Variants in ZNF85 observed in about 807,000 individuals in gnomAD.
ZNF85 encodes the protein zinc finger protein 85 (HPF4, HTF1).
In ZNF85, 50 loss-of-function variants were observed where a neutral mutation model predicts 53.9. The ratio of observed to expected loss-of-function variants is 0.93; its 90% confidence interval spans 0.74 to 1.17. ZNF85 has a LOEUF of 1.17. ZNF85 is among the 50% of genes most tolerant of loss of function. The probability of loss-of-function intolerance (pLI) is 0.00; values close to 1 mark genes in which losing one functional copy is unlikely to be tolerated. For synonymous variants in ZNF85, 225 were observed against 226.1 expected, an observed-to-expected ratio of 1.00 and a Z score of 0.04; for missense variants, 747 against 688.5, an observed-to-expected ratio of 1.08 and a Z score of -0.95.
chr19:20,939,989 GC>G (rs1973255997), intron 3 of ZNF85, among the ~76,000 whole-genome samples: 2 of 152,012 alleles, frequency 1.3e-5, no homozygotes, highest in Admixed American at 6.6e-5. Flanking sequence ...GAGCCACTGT[GC>G]CTGACCTCTT....
chr19:20,934,022 A>T lies in ZNF85; in HGVS notation c.4-2A>T. On this transcript the variant is annotated splice_acceptor_variant, in intron 1 of 3. Transcript: ENST00000328178. LOFTEE classifies it high-confidence loss of function. ...GTATGTGTATGTGTGTGTATCTTTC[A>T]GGGACCATTGACATTTAGGGATGTG... 1 of 1,604,370 alleles carries T rather than the reference A, an allele frequency of 6.2e-7. No homozygotes were observed. The highest frequency in any genetic ancestry group is 1.1e-5 in the South Asian group (1 of 90,808).
rs1019401984 is a variant in ZNF85 at position 20,950,326 on chromosome 19, A to G, written c.*24A>G. 3.4e-6 allele frequency: 5 copies of G among 1,459,844 alleles called. No homozygotes were observed. The highest frequency in any genetic ancestry group is 4.6e-6 in the Non-Finnish European group (5 of 1,092,692). The allele number at this position is 1,459,844 out of a possible 1,614,324, so 90.4% of individuals were successfully genotyped here. On this transcript the variant is annotated 3_prime_UTR_variant, in exon 4 of 4. Transcript: ENST00000328178. ...GAAAATTATGGCAAAGCTTTAATCA[A>G]TTTACAAGTCTTACTAAACATAAGA...
In ZNF85 at chr19:20,949,329, C is replaced by T. The variant is rs145819416; in HGVS notation, c.815C>T (p.Thr272Ile). The T allele has an allele frequency of 3.7e-6, 6 of 1,606,514 alleles. No individual in the cohort carries two copies. The highest frequency in any genetic ancestry group is 1.7e-5 in the Admixed American group (1 of 59,536). Residue 272 changes from threonine (T) to isoleucine (I), a missense_variant, in exon 4 of 4, where the codon ACT becomes ATT. Physicochemically the swap from Thr to Ile is moderately conservative, Grantham distance 89 (BLOSUM62 -1). Transcript: ENST00000328178. ...ECGKTFNRFSTLTTHKIIHTG... is the reference protein window; with the variant it reads ...ECGKTFNRFSILTTHKIIHTG... ...GGCAAAACTTTTAACCGATTCTCAA[C>T]TCTTACTACCCATAAGATAATTCAT...
Position 20,949,689 on chromosome 19 carries a change from A to T in ZNF85, c.1175A>T (p.His392Leu), listed in dbSNP as rs750172829. ...CACCTTACTACACATAAGATAATTC[A>T]TACTGGAGAGAAACCTTACAAATGT... ...FSHLTTHKII[H>L]TGEKPYKCKE... is the part of the protein sequence containing the mutation. The change falls in exon 4 of 4, where the codon CAT (histidine) becomes CTT (leucine). Residue 392 changes from histidine to leucine, a missense_variant. By Grantham distance (99) the His-to-Leu change is moderately conservative. Transcript: ENST00000328178. 3.1e-6 allele frequency: 5 copies of T among 1,613,184 alleles called. No individual in the cohort carries two copies. The East Asian group carries it at 8.9e-5, about 29-fold the overall frequency.
At chr19:20,941,177 G>C (rs1353496865) in intron 3 of ZNF85, among the ~76,000 whole-genome samples, 5 of 152,050 alleles carry the variant, frequency 3.3e-5, no homozygotes, top group Admixed American at 2.6e-4. Context: ...ATATTTTATA[G>C]TGGCCATTCT....
chr19:20,946,366 G>A, intron 3 of ZNF85: 2 of 424,602 alleles, frequency 4.7e-6, no homozygotes, highest in South Asian at 3.5e-5. Flanking sequence ...TTACTGAGGA[G>A]TGTTCTCTAT....
intron 1 of ZNF85, 78 bp downstream of exon 1, chr19:20,923,481 A>G (rs1568543044): frequency 2.5e-6 from 4 of 1,607,876 alleles, no homozygotes; most frequent in Non-Finnish European, 3.4e-6. Context: ...GGCGGGACTC[A>G]GGCCTCCCTG....
intron 1 of ZNF85, among the ~76,000 whole-genome samples, chr19:20,933,525 C>G (rs1191535744): frequency 6.6e-6 from 1 of 152,152 alleles, no homozygotes; most frequent in Non-Finnish European, 1.5e-5. Flanking sequence ...TACTGGTGAG[C>G]TTGTTAGAAA....
chr19:20,934,685 G>A (rs910441844), intron 2 of ZNF85, among the ~76,000 whole-genome samples: 2 of 150,906 alleles, frequency 1.3e-5, no homozygotes, highest in Admixed American at 6.6e-5. Context: ...GCTGAGGTAG[G>A]AGAATGGCAT....
chr19:20,934,796 A>C (rs1206829505), intron 2 of ZNF85, among the ~76,000 whole-genome samples, 153 bp from the exon 3 acceptor site: 1 of 151,776 alleles, frequency 6.6e-6, no homozygotes, highest in East Asian at 1.9e-4. Flanking sequence ...AAAAAAAAAA[A>C]AAAGAACCTA....
intron 1 of ZNF85, among the ~76,000 whole-genome samples, chr19:20,926,253 A>G (rs1386462597): frequency 6.6e-6 from 1 of 152,186 alleles, no homozygotes; most frequent in Non-Finnish European, 1.5e-5. Context: ...TTTCTGTCCC[A>G]TATCCTGTTA....
rs1289033246 is a variant in ZNF85, at chr19:20,935,050, A to G, written c.229+3A>G. 1 of 1,603,542 alleles carries G rather than the reference A, an allele frequency of 6.2e-7. No homozygotes were observed. Among genetic ancestry groups the G allele is most frequent in the Admixed American group, 1.7e-5 (1 of 59,320 alleles). ...GATCATGGTGGCCAAACCCACAGGTAGGTGAAAGTGAAAATGAATACAGCA... is the reference window on the plus strand; with the variant it reads ...GATCATGGTGGCCAAACCCACAGGTGGGTGAAAGTGAAAATGAATACAGCA... On this transcript the variant is annotated splice_donor_region_variant and intron_variant, in intron 3 of 3. Transcript: ENST00000328178.
intron 3 of ZNF85, among the ~76,000 whole-genome samples, chr19:20,947,229 AT>A (rs1349896630): frequency 5.9e-5 from 9 of 151,750 alleles, no homozygotes; most frequent in Admixed American, 4.6e-4. Flanking sequence ...CAACTTTCTT[AT>A]TGATGTTGCT....
intron 3 of ZNF85, 47 bp downstream of exon 3, chr19:20,935,094 C>G: frequency 7.7e-7 from 1 of 1,294,042 alleles, no homozygotes; most frequent in Non-Finnish European, 1.1e-6. Context: ...ATGAGAGGTC[C>G]AAAGGCCAAA....
In ZNF85 at chr19:20,939,455, A is replaced by G. The variant is rs551699688; in HGVS notation, c.229+4408A>G. ...TATTTAGTAGAGATGGGGTTTCACC[A>G]TATTGGCCAGGCTGGTCTCGGACTC... On this transcript the variant is annotated intron_variant, in intron 3 of 3. Transcript: ENST00000328178. 7.7e-4 allele frequency among the ~76,000 whole-genome samples: 117 copies of G among 152,146 alleles called. 4 individuals carry two copies. In the South Asian group the frequency reaches 0.023, roughly 30 times the overall value.
At chr19:20,938,178 T>C (rs1973204070) in intron 3 of ZNF85, among the ~76,000 whole-genome samples, 1 of 152,176 alleles carries the variant, frequency 6.6e-6, no homozygotes, top group Admixed American at 6.5e-5. Context: ...TAAGTGATTA[T>C]CGTGCCTCAG....
At chr19:20,948,000 T>C (rs2144673731) in intron 3 of ZNF85, among the ~76,000 whole-genome samples, 1 of 152,208 alleles carries the variant, frequency 6.6e-6, no homozygotes, top group East Asian at 1.9e-4. Context: ...TTGTAATCTT[T>C]CATTGAAATT....
intron 1 of ZNF85, 25 bp downstream of exon 1, chr19:20,923,428 C>T (rs762184909): frequency 4.3e-6 from 7 of 1,613,784 alleles, no homozygotes; most frequent in African/African-American, 1.3e-5. Context: ...TCCGCCATCC[C>T]GAGGGGGAAA....
Position 20,948,837 on chromosome 19 carries a change from G to T in ZNF85, c.323G>T (p.Arg108Ile). The change falls in exon 4 of 4, where the codon AGA becomes ATA. Residue 108 changes from arginine to isoleucine, a missense_variant. Coordinates refer to ENST00000328178, the MANE Select transcript of ZNF85 (RefSeq NM_003429.5). ...KVTLKRYGKC[R>I]HENLPLRKGC... ...ACACTGAAAAGATATGGAAAATGTA[G>T]ACATGAAAATTTACCATTAAGAAAA... The T allele has an allele frequency of 6.2e-7, 1 of 1,612,808 alleles. No homozygotes were observed. The highest frequency in any genetic ancestry group is 8.5e-7 in the Non-Finnish European group (1 of 1,179,560).
Sources: gnomAD v4.1 joint callset for allele counts (sites outside exome capture counted in the v4.1 genomes callset) on GRCh38, gnomAD v4.1.1 for gene constraint, MANE v1.5 for transcripts, NCBI Gene and HGNC (gene_info 2026-07-23, HGNC 2026-07-21) for gene names.